The following OPN1LW variants were observed in gnomAD, a reference collection of about 807,000 sequenced individuals.
OPN1LW encodes long-wave-sensitive opsin 1.
In OPN1LW, 4 loss-of-function variants were observed where a neutral mutation model predicts 18.1. The ratio of observed to expected loss-of-function variants is 0.22; its 90% CI spans 0.11 to 0.51. The LOEUF (loss-of-function observed/expected upper bound fraction) is 0.51. Ranked by LOEUF, OPN1LW falls within the 20% of genes least tolerant of loss-of-function variation. The pLI is 0.97. For synonymous variants in OPN1LW, 86 were observed against 101.2 expected (o/e 0.85, Z 0.90); for missense variants, 164 against 234.9 (o/e 0.70, Z 1.97).
In OPN1LW at chrX:154,150,770, C is replaced by T. The variant is rs782494665; in HGVS notation, c.227C>T (p.Ala76Val). 8.3e-6 allele frequency: 10 copies of T among 1,199,947 alleles called. No individual in the cohort carries two copies. The highest frequency in any genetic ancestry group is 5.3e-5 in the South Asian group (3 of 56,195). The change falls in exon 2 of 6, where the codon GCG (alanine) becomes GTG (valine). Residue 76 changes from alanine to valine, a missense_variant. By Grantham distance (64) the Ala-to-Val change is moderately conservative. Transcript: ENST00000369951. ...GTCTTCACAAATGGGCTTGTGCTGG[C>T]GGCCACCATGAAGTTCAAGAAGCTG... is the stretch of plus-strand genomic sequence containing the variant. ...ASVFTNGLVL[A>V]ATMKFKKLRH...
At position 154,150,641 on chromosome X, in the gene OPN1LW, G is replaced by T. The variant is rs1557157386; in HGVS notation, c.113-15G>T. The T allele has an allele frequency of 8.4e-7, 1 of 1,190,851 alleles. No homozygotes were observed. Among genetic ancestry groups the T allele is most frequent in the Admixed American group, 2.2e-5 (1 of 44,545 alleles). ...GCAGCCCAGCTCCTCTCTCTCCTCT[G>T]CCTCCTGCCCTCAGGCCCCTTCGAA... is the stretch of plus-strand genomic sequence containing the variant. On this transcript the variant is annotated splice_polypyrimidine_tract_variant and intron_variant, in intron 1 of 5. Coordinates refer to ENST00000369951, the MANE Select transcript of OPN1LW (RefSeq NM_020061.6).
chrX:154,144,472 T>C (rs2148782811), intron 1 of OPN1LW, 77 bp downstream of exon 1: 9 of 747,853 alleles, frequency 1.2e-5, no homozygotes, highest in African/African-American at 8.0e-5. Flanking sequence ...CCCAAGGGAA[T>C]CTCTCTTCTG....
In OPN1LW at chrX:154,156,374, T is replaced by G. The variant is rs2315124; in HGVS notation, c.825T>G (p.Phe275Leu). The G allele has an allele frequency of 1.2e-5, 14 of 1,202,624 alleles. No homozygotes were observed. The highest frequency in any genetic ancestry group is 4.4e-5 in the Admixed American group (2 of 45,489). ...CGCGCATGGTGGTGGTGATGATCTTTGCGTACTGCGTCTGCTGGGGACCCT... is the reference window on the plus strand; with the variant it reads ...CGCGCATGGTGGTGGTGATGATCTTGGCGTACTGCGTCTGCTGGGGACCCT... ...EVTRMVVVMI[F>L]AYCVCWGPYT... Residue 275 changes from phenylalanine (F) to leucine (L), a missense_variant, in exon 5 of 6, where the codon TTT becomes TTG. Phe to Leu is a conservative substitution (Grantham distance 22). Around this residue, in one of 3 missense-constraint regions of OPN1LW, gnomAD observed 53 missense variants for 50.2 expected, o/e 1.06. Coordinates refer to ENST00000369951, the MANE Select transcript of OPN1LW (RefSeq NM_020061.6).
chrX:154,149,212 AAG>A lies in OPN1LW; in HGVS notation c.113-1442_113-1441del, dbSNP rs1557157284. Among the ~76,000 whole-genome samples, 141 of 99,338 alleles carry A rather than the reference AAG, an allele frequency of 1.4e-3. 4 individuals are homozygous for A. The highest frequency in any genetic ancestry group is 6.3e-3 in the African/African-American group (140 of 22,098). The allele number at this position is 99,338 out of a possible 115,157, so 86.3% of individuals were successfully genotyped here. A position where few individuals can be genotyped will look rare whatever the true frequency, so the allele number is the denominator to read the frequency against. ...AGAGCAAGACTCCGTCTCAAAAAAA[AAG>A]AAAAAAAAAAGAAAAGAAAAATAAA... On this transcript the variant is annotated intron_variant, in intron 1 of 5. Coordinates refer to ENST00000369951, the MANE Select transcript of OPN1LW (RefSeq NM_020061.6).
chrX:154,156,384 G>A lies in OPN1LW; in HGVS notation c.835G>A (p.Val279Ile), dbSNP rs2315127. The A allele has an allele frequency of 8.3e-6, 10 of 1,204,906 alleles. No homozygotes were observed. Among genetic ancestry groups the A allele is most frequent in the Admixed American group, 6.5e-5 (3 of 45,890 alleles). ...MVVVMIFAYC[V>I]CWGPYTFFAC... ...GGTGGTGATGATCTTTGCGTACTGC[G>A]TCTGCTGGGGACCCTACACCTTCTT... Residue 279 changes from valine to isoleucine, a missense_variant, in exon 5 of 6, where the codon GTC becomes ATC. Transcript: ENST00000369951.
At chrX:154,154,107 C>CTGT (rs2067077845) in intron 3 of OPN1LW, among the ~76,000 whole-genome samples, 1 of 95,949 alleles carries the variant, frequency 1.0e-5, no homozygotes, top group Non-Finnish European at 2.0e-5. Context: ...GCTGGGCCTA[C>CTGT]AGATGCACCA....
chrX:154,148,516 C>A (rs2067063148), intron 1 of OPN1LW, among the ~76,000 whole-genome samples: 1 of 103,032 alleles, frequency 9.7e-6, no homozygotes, highest in Admixed American at 9.9e-5. Context: ...AAGTGATCCA[C>A]CCCCTCGGCC....
chrX:154,150,770 C>A lies in OPN1LW; in HGVS notation c.227C>A (p.Ala76Glu), dbSNP rs782494665. The A allele has an allele frequency of 8.3e-7, 1 of 1,202,577 alleles. No homozygotes were observed. The highest frequency in any genetic ancestry group is 3.0e-5 in the East Asian group (1 of 33,668). ...GTCTTCACAAATGGGCTTGTGCTGG[C>A]GGCCACCATGAAGTTCAAGAAGCTG... ...ASVFTNGLVL[A>E]ATMKFKKLRH... is the part of the protein sequence containing the mutation. The change falls in exon 2 of 6, where the codon GCG (alanine) becomes GAG (glutamate). Residue 76 changes from alanine (A) to glutamate (E), a missense_variant. Ala to Glu is a moderately radical substitution (Grantham distance 107). Around this residue, in one of 3 missense-constraint regions of OPN1LW, gnomAD observed 106 missense variants for 167.7 expected, o/e 0.63. Transcript: ENST00000369951.
At chrX:154,148,958 C>T (rs1396426366) in intron 1 of OPN1LW, among the ~76,000 whole-genome samples, 2 of 104,632 alleles carry the variant, frequency 1.9e-5, no homozygotes, top group African/African-American at 8.3e-5. Flanking sequence ...GTAATCCCAG[C>T]ACTTTGGGAG....
Position 154,154,622 on chromosome X carries a change from C to T in OPN1LW, c.627C>T (p.Ser209=), listed in dbSNP as rs782047119. 19 of 1,182,205 alleles carry T rather than the reference C, an allele frequency of 1.6e-5. No homozygotes were observed. Among genetic ancestry groups the T allele is most frequent in the East Asian group, 3.0e-5 (1 of 33,159 alleles). Residue 209 remains serine (S), a synonymous_variant, in exon 4 of 6, where the codon AGC becomes AGT. Transcript: ENST00000369951. ...CTTCATGCGGCCCAGACGTGTTCAG[C>T]GGCAGCTCGTACCCCGGGGTGCAGT... The part of the protein sequence containing the change: ...LKTSCGPDVF[S]GSSYPGVQSY...
chrX:154,148,041 G>A lies in OPN1LW; in HGVS notation c.113-2615G>A, dbSNP rs370240250. ...AAGTCAGGAGTTCGAGACCAGCCTA[G>A]GCAACATAGCCAGACCCCATCTCTA... On this transcript the variant is annotated intron_variant, in intron 1 of 5. Transcript: ENST00000369951. Among the ~76,000 whole-genome samples the A allele has an allele frequency of 2.4e-5, 2 of 83,942 alleles. 1 individual carries two copies. The highest frequency in any genetic ancestry group is 1.3e-4 in the African/African-American group (2 of 15,030). 72.9% of individuals were successfully genotyped at this position (83,942 alleles called of 115,157 possible).
chrX:154,147,946 A>G (rs1354493444), intron 1 of OPN1LW, among the ~76,000 whole-genome samples: 1 of 58,506 alleles, frequency 1.7e-5, no homozygotes, highest in Non-Finnish European at 2.7e-5. Context: ...AAACTCCTAC[A>G]GAAGAAAAAG....
intron 1 of OPN1LW, among the ~76,000 whole-genome samples, chrX:154,148,474 C>A (rs2067063075): frequency 1.9e-5 from 2 of 102,811 alleles, no homozygotes; most frequent in Non-Finnish European, 3.8e-5. Flanking sequence ...GGGGTTTCAC[C>A]ATGGCCAGGC....
chrX:154,156,237 G>A, intron 4 of OPN1LW, 57 bp from the exon 5 acceptor site: 1 of 1,163,203 alleles, frequency 8.6e-7, no homozygotes, highest in Non-Finnish European at 1.2e-6. Flanking sequence ...CCTATGCCTG[G>A]GTCACCTGCC....
rs148736624 is a variant in OPN1LW at position 154,154,110 on chromosome X, A to C, written c.579-464A>C. On this transcript the variant is annotated intron_variant, in intron 3 of 5. Coordinates refer to ENST00000369951, the MANE Select transcript of OPN1LW (RefSeq NM_020061.6). The stretch of plus-strand genomic sequence containing the variant: ...GCCTCCTGAGGAGCTGGGCCTACAG[A>C]TGCACCACTTCACCTAGCTAATTTT... Among the ~76,000 whole-genome samples the C allele has an allele frequency of 5.3e-5, 5 of 95,165 alleles. 1 individual carries two copies. The highest frequency in any genetic ancestry group is 1.0e-4 in the Non-Finnish European group (5 of 49,748). 82.6% of individuals were successfully genotyped at this position (95,165 alleles called of 115,157 possible).
intron 1 of OPN1LW, among the ~76,000 whole-genome samples, chrX:154,148,122 C>T (rs1214575984): frequency 1.0e-5 from 1 of 100,081 alleles, no homozygotes; most frequent in African/African-American, 4.6e-5. Flanking sequence ...CCCAGATACT[C>T]GAGAGGCTGA....
At position 154,144,401 on chromosome X, in the gene OPN1LW, C is replaced by A; in HGVS notation, c.112+6C>A. 8.7e-7 allele frequency: 1 copy of A among 1,142,858 alleles called. No homozygotes were observed. The highest frequency in any genetic ancestry group is 1.2e-6 in the Non-Finnish European group (1 of 851,558). 94.2% of individuals were successfully genotyped at this position (1,142,858 alleles called of 1,213,427 possible). ...CAACAGCAACTCCACCAGAGGTGAGCCAGCAGGCCCGTGGAGGCTGGGTGG... is the reference window on the plus strand; with the variant it reads ...CAACAGCAACTCCACCAGAGGTGAGACAGCAGGCCCGTGGAGGCTGGGTGG... On this transcript the variant is annotated splice_donor_region_variant and intron_variant, in intron 1 of 5. Transcript: ENST00000369951.
chrX:154,145,697 A>G (rs2067055764), intron 1 of OPN1LW, among the ~76,000 whole-genome samples: 1 of 84,607 alleles, frequency 1.2e-5, no homozygotes, highest in Non-Finnish European at 2.2e-5. Flanking sequence ...ATGCCCCCAG[A>G]CTTCATCAAT....
chrX:154,149,778 A>T (rs1297013925), intron 1 of OPN1LW, among the ~76,000 whole-genome samples: 1 of 30,876 alleles, frequency 3.2e-5, no homozygotes, highest in Non-Finnish European at 5.0e-5. Flanking sequence ...TGTTTTAATT[A>T]AAAAAAAATT....
Sources: gnomAD v4.1 joint callset for allele counts (sites outside exome capture counted in the v4.1 genomes callset) on GRCh38, gnomAD v4.1.1 for gene constraint, gnomAD v4.1.1 regional missense constraint, MANE v1.5 for transcripts, NCBI Gene and HGNC (gene_info 2026-07-23, HGNC 2026-07-21) for gene names.